Variants in PTPRN2 observed in about 807,000 individuals in gnomAD.
PTPRN2 encodes protein tyrosine phosphatase receptor type N2, also known as receptor-type tyrosine-protein phosphatase N2.
Under a neutral mutation model 118.8 loss-of-function variants are expected in PTPRN2, and 74 were observed. The observed-to-expected ratio is 0.62, with a 90% CI of 0.52 to 0.76. PTPRN2 has a LOEUF of 0.76. Ranked by LOEUF, PTPRN2 falls within the 30% of genes least tolerant of loss-of-function variation. The probability of loss-of-function intolerance (pLI) is 0.00; values close to 1 mark genes in which losing one functional copy is unlikely to be tolerated. For missense variants in PTPRN2, 1,481 were observed against 1,394.4 expected, an observed-to-expected ratio of 1.06 and a Z score of -0.99; for synonymous variants, 641 against 608.0, an observed-to-expected ratio of 1.05 and a Z score of -0.80.
chr7:158,319,416 T>TCCCCCCCCCCC (rs1488804383), intron 2 of PTPRN2, among the ~76,000 whole-genome samples: 1 of 66,228 alleles, frequency 1.5e-5, no homozygotes, highest in African/African-American at 7.1e-5. Flanking sequence ...ACACACAGCC[T>TCCCCCCCCCCC]CCCACACACA....
At chr7:158,053,180 C>A (rs1438501705) in intron 11 of PTPRN2, among the ~76,000 whole-genome samples, 1 of 152,192 alleles carries the variant, frequency 6.6e-6, no homozygotes, top group Non-Finnish European at 1.5e-5. Flanking sequence ...TGGGGAGACA[C>A]AGGCTTACCT....
At chr7:158,504,907 A>G (rs1468408420) in intron 1 of PTPRN2, among the ~76,000 whole-genome samples, 2 of 152,228 alleles carry the variant, frequency 1.3e-5, no homozygotes, top group African/African-American at 2.4e-5. Context: ...ATTCCCATAA[A>G]AAGAATTCTA....
At chr7:158,152,233 A>G (rs995309901) in intron 6 of PTPRN2, among the ~76,000 whole-genome samples, 1 of 150,902 alleles carries the variant, frequency 6.6e-6, no homozygotes, top group Non-Finnish European at 1.5e-5. Context: ...GATGCTGCGA[A>G]GAAATAACCC....
At chr7:158,402,018 G>C (rs551239015) in intron 2 of PTPRN2, among the ~76,000 whole-genome samples, 27 of 152,240 alleles carry the variant, frequency 1.8e-4, no homozygotes, top group African/African-American at 6.0e-4. Context: ...GTGTGAAAGA[G>C]AGATGAGGAA....
At chr7:158,556,040 C>T (rs1826963638) in intron 1 of PTPRN2, among the ~76,000 whole-genome samples, 1 of 151,718 alleles carries the variant, frequency 6.6e-6, no homozygotes, top group Admixed American at 6.6e-5. Context: ...TAGATAGATA[C>T]CTAATAGGAT....
chr7:158,521,527 A>G lies in PTPRN2; in HGVS notation c.113-31742T>C, dbSNP rs932821926. ...GGAGCAGCACGCTGGGTGCTGGCTC[A>G]GGAGGAAGGTCCGCATCGGAATGGT... On this transcript the variant is annotated intron_variant, in intron 1 of 22. Transcript: ENST00000389418. Among the ~76,000 whole-genome samples, 41 of 151,904 alleles carry G rather than the reference A, an allele frequency of 2.7e-4. 3 individuals are homozygous for G. The highest frequency in any genetic ancestry group is 4.9e-4 in the Non-Finnish European group (33 of 67,684).
At chr7:157,559,637 C>G (rs1585031146) in intron 21 of PTPRN2, among the ~76,000 whole-genome samples, 2 of 152,186 alleles carry the variant, frequency 1.3e-5, no homozygotes, top group African/African-American at 4.8e-5. Context: ...GGAGCAGAAT[C>G]AGGCAGGCAA....
intron 15 of PTPRN2, among the ~76,000 whole-genome samples, chr7:157,620,158 T>C (rs1803066297): frequency 6.6e-6 from 1 of 152,188 alleles, no homozygotes; most frequent in Admixed American, 6.5e-5. Context: ...CCTGAAACTC[T>C]GGTCAGGAAC....
At chr7:157,744,248 TG>T (rs1368591756) in intron 12 of PTPRN2, among the ~76,000 whole-genome samples, 1 of 152,142 alleles carries the variant, frequency 6.6e-6, no homozygotes, top group Non-Finnish European at 1.5e-5. Context: ...TGGGGTGGGC[TG>T]GGGGTCAGCT....
intron 3 of PTPRN2, among the ~76,000 whole-genome samples, chr7:158,269,450 G>A (rs1225480751): frequency 2.6e-5 from 4 of 152,242 alleles, no homozygotes; most frequent in Admixed American, 1.3e-4. Flanking sequence ...GGGCATACCT[G>A]CAGCCCAGGC....
intron 1 of PTPRN2, among the ~76,000 whole-genome samples, chr7:158,578,754 CTTTT>C (rs1007986775): frequency 1.4e-5 from 2 of 146,544 alleles, no homozygotes; most frequent in African/African-American, 5.0e-5. Flanking sequence ...TACTTCTTCT[CTTTT>C]TTTTTTTGTT....
At chr7:158,071,367 A>G (rs111219820) in intron 11 of PTPRN2, among the ~76,000 whole-genome samples, 24,119 of 39,632 alleles carry the variant, frequency 0.61, 6,427 homozygotes, top group Middle Eastern at 0.8. Flanking sequence ...GGAGGTGCTC[A>G]TGGTGGTGGA....
intron 12 of PTPRN2, among the ~76,000 whole-genome samples, chr7:157,777,930 G>T (rs1803430330): frequency 6.7e-6 from 1 of 148,734 alleles, no homozygotes; most frequent in African/African-American, 2.5e-5. Flanking sequence ...ATGCATAATT[G>T]ACTTGTATAA....
chr7:158,104,531 A>G (rs1815504910), intron 10 of PTPRN2, among the ~76,000 whole-genome samples: 1 of 152,150 alleles, frequency 6.6e-6, no homozygotes, highest in African/African-American at 2.4e-5. Flanking sequence ...AGGAGAACAG[A>G]AGGGAGAAAA....
At chr7:158,413,193 T>C (rs1814345974) in intron 2 of PTPRN2, among the ~76,000 whole-genome samples, 1 of 152,238 alleles carries the variant, frequency 6.6e-6, no homozygotes, top group South Asian at 2.1e-4. Context: ...TGATAACAGA[T>C]GCAAGCTCGT....
At chr7:158,302,403 C>G (rs1800959814) in intron 3 of PTPRN2, among the ~76,000 whole-genome samples, 1 of 152,232 alleles carries the variant, frequency 6.6e-6, no homozygotes. Flanking sequence ...AAGGGGAACC[C>G]CAGCTCCGGC....
intron 11 of PTPRN2, among the ~76,000 whole-genome samples, chr7:157,925,928 C>A (rs1469972467): frequency 6.6e-6 from 1 of 152,194 alleles, no homozygotes; most frequent in African/African-American, 2.4e-5. Flanking sequence ...TAAAACCCTT[C>A]TCCCAGAGAT....
chr7:157,579,086 C>T lies in PTPRN2; in HGVS notation c.2497-946G>A, dbSNP rs150672084. On this transcript the variant is annotated intron_variant, in intron 17 of 22. Coordinates refer to ENST00000389418, the MANE Select transcript of PTPRN2 (RefSeq NM_002847.5). Reference sequence around the variant, plus strand: ...CTTGTTATTTTAAAAACCCTCATATCCCAAATATAAAATGCTGTCATCGTA... The same window carrying T: ...CTTGTTATTTTAAAAACCCTCATATTCCAAATATAAAATGCTGTCATCGTA... Among the ~76,000 whole-genome samples, 230 of 152,336 alleles carry T rather than the reference C, an allele frequency of 1.5e-3. 4 individuals carry two copies. In the East Asian group the frequency reaches 0.04, roughly 26 times the overall value.
At chr7:158,061,668 T>C (rs930116418) in intron 11 of PTPRN2, among the ~76,000 whole-genome samples, 1 of 152,186 alleles carries the variant, frequency 6.6e-6, no homozygotes, top group Non-Finnish European at 1.5e-5. Flanking sequence ...CTGCCCATGG[T>C]CCAAGAGCCG....
Sources: gnomAD v4.1 joint callset for allele counts (sites outside exome capture counted in the v4.1 genomes callset) on GRCh38, gnomAD v4.1.1 for gene constraint, MANE v1.5 for transcripts, NCBI Gene and HGNC (gene_info 2026-07-23, HGNC 2026-07-21) for gene names.